The following SLC41A3 variants were observed in gnomAD, a reference collection of about 807,000 sequenced individuals.
SLC41A3 encodes the protein solute carrier family 41 member 3.
Under a neutral mutation model 45.4 loss-of-function variants are expected in SLC41A3, and 44 were observed. That is an observed-to-expected ratio of 0.97 (90% CI 0.76 to 1.25). The LOEUF is 1.25. SLC41A3 is among the 50% of genes most tolerant of loss of function. The pLI is 0.00. For synonymous variants in SLC41A3, 256 were observed against 252.4 expected (o/e 1.01, Z -0.13); for missense variants, 550 against 600.6 (o/e 0.92, Z 0.88).
chr3:126,100,647 G>C (rs914717115), intron 1 of SLC41A3, among the ~76,000 whole-genome samples: 1 of 152,202 alleles, frequency 6.6e-6, no homozygotes. Context: ...TCATGAGATG[G>C]ATTACTATCT....
chr3:126,006,789 T>A lies in SLC41A3; in HGVS notation c.*227A>T. 1 of 1,443,152 alleles carries A rather than the reference T, an allele frequency of 6.9e-7. No individual in the cohort carries two copies. Among genetic ancestry groups the A allele is most frequent in the Non-Finnish European group, 9.1e-7 (1 of 1,104,676 alleles). The allele number at this position is 1,443,152 out of a possible 1,614,324, so 89.4% of individuals were successfully genotyped here. On this transcript the variant is annotated 3_prime_UTR_variant, in exon 11 of 11. Transcript: ENST00000360370. ...CACGCTCATTAAGCATGTGCACACA[T>A]CATATTCACACACTCAAGCCATGCT...
At chr3:126,021,397 T>C (rs561197098) in intron 6 of SLC41A3, among the ~76,000 whole-genome samples, 9 of 152,204 alleles carry the variant, frequency 5.9e-5, no homozygotes, top group Non-Finnish European at 1.3e-4. Flanking sequence ...AGGAAGGTCA[T>C]ATACCAGTTA....
intron 4 of SLC41A3, among the ~76,000 whole-genome samples, chr3:126,029,182 A>T (rs1941605439): frequency 1.3e-5 from 2 of 152,156 alleles, no homozygotes; most frequent in Non-Finnish European, 2.9e-5. Flanking sequence ...CAGGGGTGAA[A>T]TTATATAGTT....
chr3:126,091,747 C>G (rs1369268907), intron 1 of SLC41A3, among the ~76,000 whole-genome samples: 2 of 152,284 alleles, frequency 1.3e-5, no homozygotes, highest in Non-Finnish European at 2.9e-5. Context: ...TCACTAGAGA[C>G]AGCTTTGCAG....
rs1314224734 is a variant in SLC41A3, at chr3:126,033,643, C to T, written c.417G>A (p.Gln139=). ...NTGQIDDPQE[Q]HRVISSNLAL... ...CCAGGTTGCTGCTGATGACTCTGTG[C>T]TGCTCCTGGGGGTCATCAATTTGTC... The change falls in exon 4 of 11, where the codon CAG becomes CAA. Residue 139 remains glutamine, a synonymous_variant. Coordinates refer to ENST00000360370, the MANE Select transcript of SLC41A3 (RefSeq NM_017836.4). 6.2e-6 allele frequency: 10 copies of T among 1,613,128 alleles called. No individual in the cohort carries two copies. Among genetic ancestry groups the T allele is most frequent in the Non-Finnish European group, 8.5e-6 (10 of 1,179,884 alleles).
At chr3:126,043,565 T>C (rs1354213835) in intron 3 of SLC41A3, among the ~76,000 whole-genome samples, 1 of 151,946 alleles carries the variant, frequency 6.6e-6, no homozygotes, top group Non-Finnish European at 1.5e-5. Flanking sequence ...AGCATAAAAA[T>C]ATATATTTAA....
In SLC41A3 at chr3:126,006,695, A is replaced by C; in HGVS notation, c.*321T>G. On this transcript the variant is annotated 3_prime_UTR_variant, in exon 11 of 11. Coordinates refer to ENST00000360370, the MANE Select transcript of SLC41A3 (RefSeq NM_017836.4). ...AGAGCAAACACACCCTGCAAAGCATACTGGACATGCCTCTTCTTTACCTTC... is the reference window on the plus strand; with the variant it reads ...AGAGCAAACACACCCTGCAAAGCATCCTGGACATGCCTCTTCTTTACCTTC... 6.8e-7 allele frequency: 1 copy of C among 1,462,504 alleles called. No individual in the cohort carries two copies. Among genetic ancestry groups the C allele is most frequent in the South Asian group, 1.5e-5 (1 of 67,294 alleles). The allele number at this position is 1,462,504 out of a possible 1,614,324, so 90.6% of individuals were successfully genotyped here. A position where few individuals can be genotyped will look rare whatever the true frequency, so the allele number is the denominator to read the frequency against.
intron 3 of SLC41A3, among the ~76,000 whole-genome samples, chr3:126,035,549 C>G (rs938113150): frequency 6.6e-6 from 1 of 152,232 alleles, no homozygotes; most frequent in African/African-American, 2.4e-5. Flanking sequence ...GCGAAATCAA[C>G]GCTGAACACT....
At chr3:126,013,564 A>G (rs1300038545) in intron 8 of SLC41A3, among the ~76,000 whole-genome samples, 1 of 66,702 alleles carries the variant, frequency 1.5e-5, no homozygotes, top group East Asian at 2.9e-4. Flanking sequence ...CTCTGTCTCA[A>G]AAAAAAAAAA....
chr3:126,058,437 T>C (rs1234554676), intron 2 of SLC41A3, among the ~76,000 whole-genome samples: 1 of 152,072 alleles, frequency 6.6e-6, no homozygotes, highest in Non-Finnish European at 1.5e-5. Context: ...GACTGCCACT[T>C]CCAAGCCTGC....
intron 1 of SLC41A3, 129 bp from the exon 2 acceptor site, chr3:126,068,375 C>G: frequency 1.4e-6 from 1 of 706,642 alleles, no homozygotes; most frequent in South Asian, 4.2e-5. Flanking sequence ...CCTTACTCAG[C>G]ACCTGCTCCA....
chr3:126,076,564 TA>T (rs1326324748), intron 1 of SLC41A3, among the ~76,000 whole-genome samples: 2 of 152,108 alleles, frequency 1.3e-5, no homozygotes, highest in African/African-American at 4.8e-5. Flanking sequence ...TATATCACAA[TA>T]AAAAAATTAT....
chr3:126,033,509 G>T, intron 4 of SLC41A3, 98 bp downstream of exon 4: 1 of 1,316,210 alleles, frequency 7.6e-7, no homozygotes, highest in Non-Finnish European at 1.1e-6. Flanking sequence ...GTTCAGGCCA[G>T]AGTGCAGGGA....
Position 126,026,332 on chromosome 3 carries a change from C to T in SLC41A3, c.598+3G>A. 6.4e-7 allele frequency: 1 copy of T among 1,558,818 alleles called. No individual in the cohort carries two copies. On this transcript the variant is annotated splice_donor_region_variant and intron_variant, in intron 5 of 10. Transcript: ENST00000360370. This position sits in a 1 kb window ranked among gnomAD's most constrained non-coding sequence, Gnocchi z 4.2. ...GGGGGCTCACAGCTGGGGCATGGCT[C>T]ACCCAGGGCAAAGGCTGCAAGGAAG...
In SLC41A3 at chr3:126,026,874, C is replaced by G. The variant is rs1325343218; in HGVS notation, c.454-395G>C. Among the ~76,000 whole-genome samples the G allele has an allele frequency of 1.3e-5, 2 of 152,132 alleles. No individual in the cohort carries two copies. ...ACACCTCACTTGCCATGTGGTGTAC[C>G]CCACGACACAGAGCAGTCACACGGG... On this transcript the variant is annotated intron_variant, in intron 4 of 10. Coordinates refer to ENST00000360370, the MANE Select transcript of SLC41A3 (RefSeq NM_017836.4). This position sits in a 1 kb window ranked among gnomAD's most constrained non-coding sequence, Gnocchi z 4.2.
chr3:126,008,351 G>A lies in SLC41A3; in HGVS notation c.1254+381C>T, dbSNP rs138786739. ...GTGACATGCAGTGTGTAGTGTGTGT[G>A]GTGTGCACTGTGTGGTGTGGAGTGT... On this transcript the variant is annotated intron_variant, in intron 10 of 10. Transcript: ENST00000360370. Among the ~76,000 whole-genome samples the A allele has an allele frequency of 2.5e-3, 378 of 152,254 alleles. 3 individuals carry two copies. The highest frequency in any genetic ancestry group is 8.6e-3 in the African/African-American group (358 of 41,530).
chr3:126,090,028 C>CT (rs59737864), intron 1 of SLC41A3, among the ~76,000 whole-genome samples: 9,117 of 99,324 alleles, frequency 0.092, 541 homozygotes, highest in Non-Finnish European at 0.14. Context: ...TCAAGAAAAT[C>CT]TTTTTTTTTT....
chr3:126,060,071 G>A (rs35687840), intron 2 of SLC41A3, among the ~76,000 whole-genome samples: 8 of 152,300 alleles, frequency 5.3e-5, no homozygotes, highest in Middle Eastern at 3.4e-3. Flanking sequence ...AGAAAGAGGT[G>A]TCTGACCAAG....
intron 6 of SLC41A3, among the ~76,000 whole-genome samples, chr3:126,017,984 C>A (rs1264438274): frequency 6.6e-6 from 1 of 152,178 alleles, no homozygotes; most frequent in African/African-American, 2.4e-5. Flanking sequence ...TGAATCCAGT[C>A]TGAGTTTTCA....
Sources: gnomAD v4.1 joint callset for allele counts (sites outside exome capture counted in the v4.1 genomes callset) on GRCh38, gnomAD v4.1.1 for gene constraint, Gnocchi (gnomAD v3.1) non-coding constraint, MANE v1.5 for transcripts, NCBI Gene and HGNC (gene_info 2026-07-23, HGNC 2026-07-21) for gene names.